The following CLYBL variants were observed in gnomAD, a reference collection of about 807,000 sequenced individuals.
CLYBL encodes the protein citramalyl-CoA lyase, mitochondrial.
Under a neutral mutation model 38.9 loss-of-function variants are expected in CLYBL, and 31 were observed. The observed-to-expected ratio is 0.80, with a 90% CI of 0.60 to 1.08. CLYBL has a LOEUF of 1.08. CLYBL is among the 50% of genes least tolerant of loss of function. The probability of loss-of-function intolerance (pLI) is 0.00; values close to 1 mark genes in which losing one functional copy is unlikely to be tolerated. For missense variants in CLYBL, 434 were observed against 411.6 expected (o/e 1.05, Z -0.47); for synonymous variants, 171 against 158.6 (o/e 1.08, Z -0.59).
intron 1 of CLYBL, among the ~76,000 whole-genome samples, chr13:99,641,470 C>G (rs2047092826): frequency 6.6e-6 from 1 of 152,024 alleles, no homozygotes; most frequent in Non-Finnish European, 1.5e-5. Context: ...GAGATCAAGA[C>G]CATCCTGGCT....
chr13:99,732,597 T>A (rs932984365), intron 1 of CLYBL, among the ~76,000 whole-genome samples: 38 of 152,328 alleles, frequency 2.5e-4, no homozygotes, highest in African/African-American at 7.5e-4. Flanking sequence ...ATTTTGCTAT[T>A]TTAAATGAGT....
chr13:99,725,493 G>A (rs2048457690), intron 1 of CLYBL, among the ~76,000 whole-genome samples: 1 of 152,136 alleles, frequency 6.6e-6, no homozygotes. Context: ...ATTGTCATTT[G>A]TTTTCTTTTA....
intron 1 of CLYBL, among the ~76,000 whole-genome samples, chr13:99,659,473 G>C (rs1371943082): frequency 1.3e-5 from 2 of 152,062 alleles, no homozygotes; most frequent in East Asian, 3.8e-4. Context: ...TACTTGCTGG[G>C]GAAGTGCCTT....
intron 1 of CLYBL, among the ~76,000 whole-genome samples, chr13:99,743,584 G>T (rs1479431941): frequency 6.6e-6 from 1 of 152,192 alleles, no homozygotes; most frequent in East Asian, 1.9e-4. Context: ...ATTAGCATGT[G>T]TGATAAAATG....
intron 2 of CLYBL, among the ~76,000 whole-genome samples, chr13:99,822,158 A>G (rs1173166165): frequency 1.3e-5 from 2 of 152,254 alleles, no homozygotes; most frequent in Non-Finnish European, 2.9e-5. Flanking sequence ...CAGGAGAATC[A>G]TGCCAATGGG....
At chr13:99,838,687 G>A (rs2050995708) in intron 2 of CLYBL, among the ~76,000 whole-genome samples, 1 of 152,130 alleles carries the variant, frequency 6.6e-6, no homozygotes, top group African/African-American at 2.4e-5. Flanking sequence ...CCAGGCTGGA[G>A]TGCAGTGGCG....
chr13:99,885,141 A>G (rs756325243), intron 7 of CLYBL: 1 of 521,234 alleles, frequency 1.9e-6, no homozygotes, highest in Non-Finnish European at 3.9e-6. Context: ...CAGGGGCCTC[A>G]CAGTGTTGTG....
At chr13:99,833,683 CTTT>C (rs35378080) in intron 2 of CLYBL, among the ~76,000 whole-genome samples, 4 of 56,108 alleles carry the variant, frequency 7.1e-5, no homozygotes, top group African/African-American at 1.5e-4. Flanking sequence ...TACCGTGTTG[CTTT>C]TTTTTTTTTT....
chr13:99,773,767 C>T (rs1158272798), intron 2 of CLYBL, among the ~76,000 whole-genome samples: 2 of 152,118 alleles, frequency 1.3e-5, no homozygotes, highest in East Asian at 3.8e-4. Flanking sequence ...GAGTAATGGT[C>T]TTTTCTCTTC....
chr13:99,866,786 C>T (rs886915427), intron 6 of CLYBL, among the ~76,000 whole-genome samples: 5 of 152,056 alleles, frequency 3.3e-5, no homozygotes, highest in African/African-American at 1.2e-4. Context: ...CTAGAATATC[C>T]AAAATTTAAT....
At chr13:99,652,827 G>A (rs2047274800) in intron 1 of CLYBL, among the ~76,000 whole-genome samples, 1 of 152,234 alleles carries the variant, frequency 6.6e-6, no homozygotes, top group South Asian at 2.1e-4. Context: ...GAAGCTTATT[G>A]CTTCTTAAGA....
chr13:99,685,971 A>G (rs2047811504), intron 1 of CLYBL, among the ~76,000 whole-genome samples: 2 of 152,270 alleles, frequency 1.3e-5, no homozygotes, highest in South Asian at 2.1e-4. Context: ...CAAAAAAAAG[A>G]AAAAGAATCT....
chr13:99,659,167 G>C (rs2047373315), intron 1 of CLYBL, among the ~76,000 whole-genome samples: 1 of 151,992 alleles, frequency 6.6e-6, no homozygotes, highest in South Asian at 2.1e-4. Context: ...ACAGAGAGGG[G>C]ATTAGTATTC....
chr13:99,751,038 G>T (rs948124339), intron 1 of CLYBL, among the ~76,000 whole-genome samples: 1 of 152,086 alleles, frequency 6.6e-6, no homozygotes, highest in African/African-American at 2.4e-5. Flanking sequence ...ACTCCAACAC[G>T]TATTTGTACA....
At chr13:99,694,037 G>A (rs2047944910) in intron 1 of CLYBL, among the ~76,000 whole-genome samples, 1 of 152,158 alleles carries the variant, frequency 6.6e-6, no homozygotes, top group South Asian at 2.1e-4. Flanking sequence ...AAATGTTAAT[G>A]CAATAAACTG....
Position 99,757,142 on chromosome 13 carries a change from C to T in CLYBL, c.63-15682C>T, listed in dbSNP as rs568276101. 2.6e-5 allele frequency among the ~76,000 whole-genome samples: 4 copies of T among 152,302 alleles called. No homozygotes were observed. The South Asian group carries it at 8.3e-4, about 32-fold the overall frequency. The stretch of plus-strand genomic sequence containing the variant: ...TTTGAACTCCTGGGCTCAAGTGATC[C>T]TTCTGCCTTGACTTCCCAAAGTGCT... On this transcript the variant is annotated intron_variant, in intron 1 of 8. Coordinates refer to ENST00000339105, the MANE Select transcript of CLYBL (RefSeq NM_206808.5).
chr13:99,642,978 A>G (rs537709989), intron 1 of CLYBL: 85 of 153,456 alleles, frequency 5.5e-4, no homozygotes, highest in Admixed American at 4.1e-3. Context: ...GGCTGCTCTC[A>G]TTTCTAATAC....
intron 1 of CLYBL, among the ~76,000 whole-genome samples, chr13:99,689,743 C>T (rs913006779): frequency 2.0e-5 from 3 of 151,104 alleles, no homozygotes; most frequent in African/African-American, 7.3e-5. Context: ...AGAACAAGCT[C>T]TAAAGAGGAG....
At chr13:99,732,169 G>GTTTTTTTTT (rs35027014) in intron 1 of CLYBL, among the ~76,000 whole-genome samples, 1 of 90,760 alleles carries the variant, frequency 1.1e-5, no homozygotes, top group African/African-American at 4.4e-5. Context: ...TTATATGGCA[G>GTTTTTTTTT]TTTTTTTTTT....
Sources: gnomAD v4.1 joint callset for allele counts (sites outside exome capture counted in the v4.1 genomes callset) on GRCh38, gnomAD v4.1.1 for gene constraint, MANE v1.5 for transcripts, NCBI Gene and HGNC (gene_info 2026-07-23, HGNC 2026-07-21) for gene names.